The following KLF12 variants were observed in gnomAD, a reference collection of about 807,000 sequenced individuals.
KLF12 encodes the protein Krueppel-like factor 12.
Under a neutral mutation model 37.8 loss-of-function variants are expected in KLF12, and 9 were observed. The observed-to-expected ratio is 0.24, with a 90% CI of 0.14 to 0.42. The LOEUF is 0.42. Among genes scored for constraint, KLF12 ranks in the 10% least tolerant of loss-of-function variants. The pLI is 1.00. For synonymous variants in KLF12, 208 were observed against 202.1 expected (o/e 1.03, Z -0.25); for missense variants, 411 against 516.0 (o/e 0.80, Z 1.97).
intron 5 of KLF12, among the ~76,000 whole-genome samples, chr13:73,787,702 A>T (rs950918324): frequency 2.6e-5 from 4 of 152,174 alleles, no homozygotes; most frequent in Non-Finnish European, 4.4e-5. Context: ...TCCACAGTAT[A>T]TGTAGTGGGC....
At chr13:74,031,736 T>C (rs1000765410) in intron 1 of KLF12, among the ~76,000 whole-genome samples, 2 of 152,146 alleles carry the variant, frequency 1.3e-5, no homozygotes, top group Non-Finnish European at 2.9e-5. Flanking sequence ...TAAAGTTACT[T>C]GAAAGATTAA....
At chr13:74,301,700 A>AAAACCCAGTTTTAATTT in the KLF12 span, among the ~76,000 whole-genome samples, 1 of 152,172 alleles carries the variant, frequency 6.6e-6, no homozygotes, top group African/African-American at 2.4e-5. Context: ...TTGTTTTCAC[A>AAAACCCAGTTTTAATTT]AAACCCAGTT....
chr13:74,087,898 A>G (rs1478835403), intron 1 of KLF12, among the ~76,000 whole-genome samples: 1 of 152,192 alleles, frequency 6.6e-6, no homozygotes, highest in East Asian at 1.9e-4. Context: ...ACAGTTAATA[A>G]GCAGAAAAGA....
At chr13:74,120,313 C>A (rs1877552816) in intron 1 of KLF12, among the ~76,000 whole-genome samples, 1 of 152,132 alleles carries the variant, frequency 6.6e-6, no homozygotes, top group Admixed American at 6.5e-5. Flanking sequence ...GAAACCCTGT[C>A]TCTACTAAAA....
intron 1 of KLF12, among the ~76,000 whole-genome samples, chr13:74,130,426 T>C (rs1878196136): frequency 1.3e-5 from 2 of 152,202 alleles, no homozygotes; most frequent in African/African-American, 4.8e-5. Context: ...CCCAGCACTT[T>C]GGCAGGAGGT....
chr13:73,804,517 C>T (rs1049243210), intron 5 of KLF12, among the ~76,000 whole-genome samples: 1 of 152,086 alleles, frequency 6.6e-6, no homozygotes, highest in South Asian at 2.1e-4. Context: ...CTCCATCTGG[C>T]TCCTAAATAC....
chr13:73,979,137 G>A (rs1891620350), intron 2 of KLF12, among the ~76,000 whole-genome samples: 2 of 152,120 alleles, frequency 1.3e-5, no homozygotes, highest in Admixed American at 1.3e-4. Flanking sequence ...ACAACACTCA[G>A]AGGAAACACT....
the KLF12 span, among the ~76,000 whole-genome samples, chr13:74,274,550 T>G: frequency 1.3e-5 from 2 of 152,134 alleles, no homozygotes; most frequent in Non-Finnish European, 2.9e-5. Context: ...AGTAATAAGA[T>G]TTTACTTATT....
At chr13:74,130,961 T>C (rs1341013346) in intron 1 of KLF12, among the ~76,000 whole-genome samples, 1 of 152,216 alleles carries the variant, frequency 6.6e-6, no homozygotes, top group African/African-American at 2.4e-5. Flanking sequence ...ATGCTTTCCA[T>C]GTTGTACAAT....
intron 3 of KLF12, among the ~76,000 whole-genome samples, chr13:73,856,219 AG>A (rs1885599849): frequency 6.6e-6 from 1 of 152,206 alleles, no homozygotes; most frequent in Non-Finnish European, 1.5e-5. Flanking sequence ...GTTCCCGAAA[AG>A]GGGGCCATGC....
chr13:74,067,671 C>T (rs1873993578), intron 1 of KLF12, among the ~76,000 whole-genome samples: 1 of 149,978 alleles, frequency 6.7e-6, no homozygotes, highest in South Asian at 2.1e-4. Context: ...TAGCAATCAA[C>T]AGACAGTAAC....
intron 2 of KLF12, among the ~76,000 whole-genome samples, chr13:73,982,616 T>C (rs1419110188): frequency 6.6e-6 from 1 of 152,226 alleles, no homozygotes; most frequent in Non-Finnish European, 1.5e-5. Context: ...AATGTGTAGA[T>C]TTATAATCAT....
At chr13:73,936,656 C>T (rs964326324) in intron 3 of KLF12, among the ~76,000 whole-genome samples, 10 of 152,018 alleles carry the variant, frequency 6.6e-5, no homozygotes, top group African/African-American at 1.9e-4. Flanking sequence ...AGTGAGACGG[C>T]GAGGCCCTGT....
chr13:73,991,238 T>C (rs1028708714), intron 2 of KLF12, among the ~76,000 whole-genome samples: 8 of 152,238 alleles, frequency 5.3e-5, no homozygotes, highest in African/African-American at 1.4e-4. Context: ...AAAAAACTTT[T>C]AGTACGATTA....
chr13:73,861,777 A>G (rs1438627402), intron 3 of KLF12, among the ~76,000 whole-genome samples: 1 of 152,128 alleles, frequency 6.6e-6, no homozygotes, highest in Non-Finnish European at 1.5e-5. Context: ...ACATATATAC[A>G]TGCACCTCCG....
intron 6 of KLF12, among the ~76,000 whole-genome samples, chr13:73,759,671 GCA>G (rs1330887541): frequency 6.6e-6 from 1 of 152,146 alleles, no homozygotes; most frequent in Non-Finnish European, 1.5e-5. Context: ...GGATGAACAG[GCA>G]CAGAGAGGCT....
intron 2 of KLF12, among the ~76,000 whole-genome samples, chr13:73,987,381 A>C (rs1891850970): frequency 6.6e-6 from 1 of 152,164 alleles, no homozygotes; most frequent in African/African-American, 2.4e-5. Flanking sequence ...ATGCTGCTTT[A>C]ACACTATAAT....
At chr13:73,848,615 A>G (rs983933127) in intron 3 of KLF12, among the ~76,000 whole-genome samples, 1 of 148,964 alleles carries the variant, frequency 6.7e-6, no homozygotes, top group African/African-American at 2.4e-5. Flanking sequence ...CATATATAAT[A>G]TATAGCTATA....
intron 2 of KLF12, among the ~76,000 whole-genome samples, chr13:73,970,416 T>C (rs1339570514): frequency 6.6e-6 from 1 of 152,018 alleles, no homozygotes; most frequent in Non-Finnish European, 1.5e-5. Flanking sequence ...CCAGTTCAGA[T>C]GTACTGTCTT....
Sources: gnomAD v4.1 joint callset for allele counts (sites outside exome capture counted in the v4.1 genomes callset) on GRCh38, gnomAD v4.1.1 for gene constraint, MANE v1.5 for transcripts, NCBI Gene and HGNC (gene_info 2026-07-23, HGNC 2026-07-21) for gene names.